Variants in CROCC observed in about 807,000 individuals in gnomAD.
The protein encoded by CROCC is rootletin.
Under a neutral mutation model 245.2 loss-of-function variants are expected in CROCC, and 180 were observed. The observed-to-expected ratio is 0.73, with a 90% CI of 0.65 to 0.83. The LOEUF is 0.83. Ranked by LOEUF, CROCC falls within the 40% of genes least tolerant of loss-of-function variation. CROCC has a pLI of 0.00. For missense variants in CROCC, 2,688 were observed against 2,779.4 expected (o/e 0.97, Z 0.74); for synonymous variants, 1,205 against 1,241.6 (o/e 0.97, Z 0.62).
intron 20 of CROCC, among the ~76,000 whole-genome samples, chr1:16,952,232 T>TC (rs1291921268): frequency 3.5e-5 from 5 of 142,332 alleles, no homozygotes; most frequent in East Asian, 2.3e-4. Context: ...ATGCCTGTAA[T>TC]CCAGCACTTT....
rs547580026 is a variant in CROCC at position 16,969,899 on chromosome 1, G to A, written c.5416G>A (p.Val1806Met). ...GEVADLELQR[V>M]EAEGQLQQLR... ...GGTGGCTGACCTGGAACTGCAGCGG[G>A]TGGAGGCCGAGGGCCAGCTACAACA... The change falls in exon 33 of 37, where the codon GTG (valine) becomes ATG (methionine). Residue 1806 changes from valine (V) to methionine (M), a missense_variant. Physicochemically the swap from Val to Met is conservative, Grantham distance 21. Coordinates refer to ENST00000375541, the MANE Select transcript of CROCC (RefSeq NM_014675.5). 6.8e-6 allele frequency: 11 copies of A among 1,608,798 alleles called. No individual in the cohort carries two copies. Among genetic ancestry groups the A allele is most frequent in the African/African-American group, 1.3e-5 (1 of 74,976 alleles).
chr1:16,936,926 C>A, intron 9 of CROCC, 53 bp downstream of exon 9: 1 of 1,534,420 alleles, frequency 6.5e-7, no homozygotes. Context: ...GAAGGTAAAA[C>A]TGGAGAGTTG....
Position 16,955,995 on chromosome 1 carries a change from A to AG in CROCC, c.3705-1dup, listed in dbSNP as rs2076244761. 3 of 1,550,044 alleles carry AG rather than the reference A, an allele frequency of 1.9e-6. No homozygotes were observed. The highest frequency in any genetic ancestry group is 1.4e-5 in the African/African-American group (1 of 73,024). ...GCAGCCCCTGACCTCTGCCCTCTCC[A>AG]GCCTGAAGCTTGCCAATGAGGACAA... On this transcript the variant is annotated splice_acceptor_variant, in intron 24 of 36. Coordinates refer to ENST00000375541, the MANE Select transcript of CROCC (RefSeq NM_014675.5). LOFTEE classifies it high-confidence loss of function.
rs779480820 is a variant in CROCC, at chr1:16,946,847, A to G, written c.2370A>G (p.Leu790=). 1.6e-5 allele frequency: 25 copies of G among 1,554,846 alleles called. No individual in the cohort carries two copies. Among genetic ancestry groups the G allele is most frequent in the South Asian group, 4.7e-5 (4 of 84,254 alleles). ...TGGCGCGGGAAGAGCAGGAACGGCT[A>G]GAGGAGCTGCGGTTGGAGCAGGAGG... ...ATVAREEQER[L]EELRLEQEVA... The change falls in exon 17 of 37, where the codon CTA becomes CTG. Residue 790 remains leucine, a synonymous_variant. Coordinates refer to ENST00000375541, the MANE Select transcript of CROCC (RefSeq NM_014675.5).
rs956196005 is a variant in CROCC, at chr1:16,925,692, G to T, written c.351+1213G>T. ...GGCTGGAGCCCGCATTGGCAGGAGG[G>T]TGTGTGTTCCTGTGTATGACTGTGG... On this transcript the variant is annotated intron_variant, in intron 3 of 36. Transcript: ENST00000375541. Among the ~76,000 whole-genome samples, 9 of 152,384 alleles carry T rather than the reference G, an allele frequency of 5.9e-5. No individual in the cohort carries two copies. In the South Asian group the frequency reaches 8.3e-4, roughly 14 times the overall value.
At chr1:16,971,425 C>A in intron 35 of CROCC, 40 bp from the exon 36 acceptor site, 1 of 1,503,322 alleles carries the variant, frequency 6.7e-7, no homozygotes, top group South Asian at 1.3e-5. Context: ...CACACACACT[C>A]ACACTGGGCC....
Position 16,969,941 on chromosome 1 carries a change from G to A in CROCC, c.5451+7G>A, listed in dbSNP as rs771316771. 3 of 1,578,372 alleles carry A rather than the reference G, an allele frequency of 1.9e-6. No individual in the cohort carries two copies. The highest frequency in any genetic ancestry group is 1.7e-4 in the Middle Eastern group (1 of 5,788). ...GCTACAACAGCTACGGGAGGTGAGGGCCAGGGTGTGCCCCCTCTGTCCCCA... is the reference window on the plus strand; with the variant it reads ...GCTACAACAGCTACGGGAGGTGAGGACCAGGGTGTGCCCCCTCTGTCCCCA... On this transcript the variant is annotated splice_region_variant and intron_variant, in intron 33 of 36. Coordinates refer to ENST00000375541, the MANE Select transcript of CROCC (RefSeq NM_014675.5).
chr1:16,932,851 A>C (rs1400244353), intron 8 of CROCC, among the ~76,000 whole-genome samples: 15 of 152,290 alleles, frequency 9.8e-5, no homozygotes, highest in Non-Finnish European at 4.4e-5. Flanking sequence ...CGTTAAAAAC[A>C]TTTTAGTTAG....
intron 13 of CROCC, chr1:16,941,513 G>A (rs562083664): frequency 7.2e-5 from 11 of 152,484 alleles, no homozygotes; most frequent in Non-Finnish European, 1.6e-4. Flanking sequence ...CGGATCATGA[G>A]GTCAGGAGAT....
intron 20 of CROCC, among the ~76,000 whole-genome samples, chr1:16,952,755 C>A (rs2076183852): frequency 6.6e-6 from 1 of 152,230 alleles, no homozygotes; most frequent in Non-Finnish European, 1.5e-5. Flanking sequence ...CCCCTTCATT[C>A]CTCACAGCCA....
Position 16,970,351 on chromosome 1 carries a change from G to T in CROCC, c.5550G>T (p.Leu1850=). The change falls in exon 34 of 37, where the codon CTG becomes CTT. Residue 1850 remains leucine, a synonymous_variant. Coordinates refer to ENST00000375541, the MANE Select transcript of CROCC (RefSeq NM_014675.5). ...RRLLQERLGS[L]QRALAQLEAE... Reference sequence around the variant, plus strand: ...TGCTGCAGGAGCGCCTGGGAAGCCTGCAGCGCGCCCTGGCTCAGCTGGAAG... The same window carrying T: ...TGCTGCAGGAGCGCCTGGGAAGCCTTCAGCGCGCCCTGGCTCAGCTGGAAG... 1 of 1,594,090 alleles carries T rather than the reference G, an allele frequency of 6.3e-7. No individual in the cohort carries two copies. The highest frequency in any genetic ancestry group is 8.5e-7 in the Non-Finnish European group (1 of 1,171,390).
intron 36 of CROCC, 36 bp from the exon 37 acceptor site, chr1:16,972,324 G>A (rs775035823): frequency 5.2e-6 from 8 of 1,550,344 alleles, no homozygotes; most frequent in South Asian, 2.2e-5. Flanking sequence ...GCCAGGCTGA[G>A]GACCTGGCTG....
At chr1:16,939,828 G>A (rs2075883962) in intron 12 of CROCC, 66 bp from the exon 13 acceptor site, 27 of 1,564,558 alleles carry the variant, frequency 1.7e-5, no homozygotes, top group Non-Finnish European at 2.1e-5. Flanking sequence ...CCTGGAACCA[G>A]AAGAGAGTAG....
Position 16,961,140 on chromosome 1 carries a change from G to A in CROCC, c.4405+10G>A, listed in dbSNP as rs1453570826. ...GACGCACCCGCAGAAGGTAAGGGCA[G>A]TGCCGCGCGCAGGGAAGGGGGGAGG... is the stretch of plus-strand genomic sequence containing the variant. On this transcript the variant is annotated intron_variant, in intron 27 of 36. Coordinates refer to ENST00000375541, the MANE Select transcript of CROCC (RefSeq NM_014675.5). 2.3e-6 allele frequency: 3 copies of A among 1,314,686 alleles called. No homozygotes were observed. Among genetic ancestry groups the A allele is most frequent in the Non-Finnish European group, 2.9e-6 (3 of 1,033,674 alleles). The allele number at this position is 1,314,686 out of a possible 1,614,324, so 81.4% of individuals were successfully genotyped here. A position where few individuals can be genotyped will look rare whatever the true frequency, so the allele number is the denominator to read the frequency against.
Position 16,948,440 on chromosome 1 carries a change from C to T in CROCC, c.2624C>T (p.Ala875Val). 2 of 1,566,274 alleles carry T rather than the reference C, an allele frequency of 1.3e-6. No homozygotes were observed. The highest frequency in any genetic ancestry group is 1.7e-6 in the Non-Finnish European group (2 of 1,157,246). Reference sequence around the variant, plus strand: ...GCGGCCCGTGAGAAGGAGGCGCTAGCCAAGGAGCACGCTGGCCTGGCTGTG... The same window carrying T: ...GCGGCCCGTGAGAAGGAGGCGCTAGTCAAGGAGCACGCTGGCCTGGCTGTG... ...ERAAREKEAL[A>V]KEHAGLAVQL... The change falls in exon 18 of 37, where the codon GCC becomes GTC. Residue 875 changes from alanine (A) to valine (V), a missense_variant. Ala to Val is a moderately conservative substitution (Grantham distance 64). This residue lies in a region of CROCC where 295 missense variants were observed against 241.7 expected (regional missense o/e 1.22). Transcript: ENST00000375541.
At position 16,970,717 on chromosome 1, in the gene CROCC, G is replaced by A. The variant is rs1230855781; in HGVS notation, c.5734G>A (p.Gly1912Arg). 6.2e-6 allele frequency: 10 copies of A among 1,605,852 alleles called. No homozygotes were observed. Among genetic ancestry groups the A allele is most frequent in the South Asian group, 1.1e-5 (1 of 90,072 alleles). ...EKGRLDRTLT[G>R]AELELAEAQR... Reference sequence around the variant, plus strand: ...GGGCCGCCTGGACCGCACCCTCACGGGGGCTGAGCTGGAGCTGGCAGAGGC... The same window carrying A: ...GGGCCGCCTGGACCGCACCCTCACGAGGGCTGAGCTGGAGCTGGCAGAGGC... Residue 1912 changes from glycine (G) to arginine (R), a missense_variant, in exon 35 of 37, where the codon GGG becomes AGG. Around this residue, in one of 9 missense-constraint regions of CROCC, gnomAD observed 1,218 missense variants for 1,286.3 expected, o/e 0.95. Transcript: ENST00000375541.
chr1:16,924,376 A>G lies in CROCC; in HGVS notation c.248A>G (p.Asn83Ser), dbSNP rs1570585291. The G allele has an allele frequency of 1.9e-6, 3 of 1,613,160 alleles. No individual in the cohort carries two copies. Among genetic ancestry groups the G allele is most frequent in the Admixed American group, 1.7e-5 (1 of 59,988 alleles). Residue 83 changes from asparagine (N) to serine (S), a missense_variant, in exon 3 of 37, where the codon AAC (asparagine) becomes AGC (serine). Around this residue, in one of 9 missense-constraint regions of CROCC, gnomAD observed 972 missense variants for 895.3 expected, o/e 1.09. Transcript: ENST00000375541. ...MASLLSLQEE[N>S]QLLQQELSRV... Reference sequence around the variant, plus strand: ...TCGCTGCTGTCGCTGCAGGAGGAGAACCAGCTGCTGCAGCAGGAGCTGTCC... The same window carrying G: ...TCGCTGCTGTCGCTGCAGGAGGAGAGCCAGCTGCTGCAGCAGGAGCTGTCC...
intron 14 of CROCC, among the ~76,000 whole-genome samples, chr1:16,945,157 T>G (rs2076017569): frequency 6.6e-6 from 1 of 152,262 alleles, no homozygotes. Context: ...TGCTTGAACC[T>G]GGGAGGCAGA....
At chr1:16,914,122 G>A (rs2075279527) in intron 1 of CROCC, among the ~76,000 whole-genome samples, 1 of 151,190 alleles carries the variant, frequency 6.6e-6, no homozygotes, top group Admixed American at 6.6e-5. Context: ...AGCGGCTGCG[G>A]CGAAGGCGCG....
Sources: gnomAD v4.1 joint callset for allele counts (sites outside exome capture counted in the v4.1 genomes callset) on GRCh38, gnomAD v4.1.1 for gene constraint, gnomAD v4.1.1 regional missense constraint, MANE v1.5 for transcripts, NCBI Gene and HGNC (gene_info 2026-07-23, HGNC 2026-07-21) for gene names.